MUC5AC: variants seen among roughly 807,000 people sequenced by gnomAD.
The protein encoded by MUC5AC is mucin-5AC.
In MUC5AC, 158 loss-of-function variants were observed where a neutral mutation model predicts 169.7. That is an observed-to-expected ratio of 0.93 (90% CI 0.82 to 1.06). The LOEUF (loss-of-function observed/expected upper bound fraction) is 1.06. Among genes scored for constraint, MUC5AC ranks in the 50% least tolerant of loss-of-function variants. The pLI, the probability that MUC5AC is intolerant of heterozygous loss-of-function variation, is 0.00. For synonymous variants in MUC5AC, 1,975 were observed against 1,237.0 expected, an observed-to-expected ratio of 1.60 and a Z score of -12.52; for missense variants, 4,359 against 3,089.9, an observed-to-expected ratio of 1.41 and a Z score of -9.74.
intron 7 of MUC5AC, 40 bp downstream of exon 7, chr11:1,164,031 A>C: frequency 1.2e-6 from 2 of 1,609,274 alleles, no homozygotes; most frequent in Non-Finnish European, 1.7e-6. Context: ...CAGGTTGAGC[A>C]GGAGGGGTTG....
rs555829626 is a variant in MUC5AC at position 1,167,243 on chromosome 11, AAC to A, written c.1387-628_1387-627del. 2.0e-3 allele frequency among the ~76,000 whole-genome samples: 281 copies of A among 142,184 alleles called. 2 individuals carry two copies. Among genetic ancestry groups the A allele is most frequent in the African/African-American group, 7.4e-3 (276 of 37,112 alleles). The allele number at this position is 142,184 out of a possible 152,430, so 93.3% of individuals were successfully genotyped here. A position where few individuals can be genotyped will look rare whatever the true frequency, so the allele number is the denominator to read the frequency against. ...CTCCCCAAGATGAGACCCTGCACCCAACACACAGTCTCTCCCAGATGAGACTC... is the reference window on the plus strand; with the variant it reads ...CTCCCCAAGATGAGACCCTGCACCCAACACAGTCTCTCCCAGATGAGACTC... On this transcript the variant is annotated intron_variant, in intron 11 of 48. Coordinates refer to ENST00000621226, the MANE Select transcript of MUC5AC (RefSeq NM_001304359.2).
rs1860953606 is a variant in MUC5AC, at chr11:1,186,637, G to C, written c.8492G>C (p.Gly2831Ala). The C allele has an allele frequency of 5.6e-6, 4 of 713,746 alleles. No homozygotes were observed. The highest frequency in any genetic ancestry group is 1.0e-5 in the Non-Finnish European group (4 of 396,280). The allele number at this position is 713,746 out of a possible 1,614,324, so 44.2% of individuals were successfully genotyped here. ...TSAPTTSTTS[G>A]PGTTSSPVPT... ...GCTCCTACAACCAGCACAACTTCTG[G>C]TCCTGGAACTACTTCAAGCCCTGTT... The change falls in exon 31 of 49, where the codon GGT (glycine) becomes GCT (alanine). Residue 2831 changes from glycine (G) to alanine (A), a missense_variant. Coordinates refer to ENST00000621226, the MANE Select transcript of MUC5AC (RefSeq NM_001304359.2).
chr11:1,179,286 G>A (rs1470533228), intron 26 of MUC5AC, 38 bp downstream of exon 26: 18 of 512,946 alleles, frequency 3.5e-5, no homozygotes, highest in South Asian at 2.9e-4. Flanking sequence ...AACAGGAAGC[G>A]CCGGCAGCGT....
rs1241931972 is a variant in MUC5AC at position 1,178,678 on chromosome 11, G to A, written c.3322G>A (p.Ala1108Thr). ...CGGCCCCACCTTCGCCGCCTGCCAC[G>A]CACACGTATGCTGGCCGGGGGGCGT... ...LHGPTFAACH[A>T]HVEPARYYEA... The change falls in exon 25 of 49, where the codon GCA (alanine) becomes ACA (threonine). Residue 1108 changes from alanine (A) to threonine (T), a missense_variant. Ala to Thr is a moderately conservative substitution (Grantham distance 58). Transcript: ENST00000621226. The A allele has an allele frequency of 7.7e-6, 10 of 1,299,204 alleles. No individual in the cohort carries two copies. The highest frequency in any genetic ancestry group is 9.9e-6 in the Non-Finnish European group (10 of 1,014,190). 80.5% of individuals were successfully genotyped at this position (1,299,204 alleles called of 1,614,324 possible). A position where few individuals can be genotyped will look rare whatever the true frequency, so the allele number is the denominator to read the frequency against.
At position 1,162,049 on chromosome 11, in the gene MUC5AC, T is replaced by C. The variant is rs1860158050; in HGVS notation, c.354T>C (p.Phe118=). ...ACTGCGGTGCCGCCTACGAGGATTTTAACATCCAGCTACGCCGCAGCCAGG... is the reference window on the plus strand; with the variant it reads ...ACTGCGGTGCCGCCTACGAGGATTTCAACATCCAGCTACGCCGCAGCCAGG... ...SEHCGAAYED[F]NIQLRRSQES... is the part of the protein sequence containing the mutation. Residue 118 remains phenylalanine, a synonymous_variant, in exon 4 of 49, where the codon TTT becomes TTC. Transcript: ENST00000621226. The C allele has an allele frequency of 2.5e-6, 4 of 1,612,610 alleles. No individual in the cohort carries two copies. The highest frequency in any genetic ancestry group is 3.4e-6 in the Non-Finnish European group (4 of 1,179,762).
intron 26 of MUC5AC, 99 bp from the exon 27 acceptor site, chr11:1,179,923 G>A: frequency 2.5e-6 from 1 of 397,800 alleles, no homozygotes; most frequent in African/African-American, 2.1e-5. Context: ...ATGGCCGGGA[G>A]GTGCAGGGGA....
In MUC5AC at chr11:1,188,791, A is replaced by T. The variant is rs1861015176; in HGVS notation, c.10646A>T (p.Asn3549Ile). The change falls in exon 31 of 49, where the codon AAC (asparagine) becomes ATC (isoleucine). Residue 3549 changes from asparagine to isoleucine, a missense_variant. By Grantham distance (149) the Asn-to-Ile change is moderately radical. Coordinates refer to ENST00000621226, the MANE Select transcript of MUC5AC (RefSeq NM_001304359.2). Reference protein sequence around the residue: ...PHGGDKETYNNIIRSGEKICR... With the variant: ...PHGGDKETYNIIIRSGEKICR... ...GGTGGGGACAAGGAAACCTACAACA[A>T]CATCATCAGGAGTGGGGAAAAAATC... 6 of 753,488 alleles carry T rather than the reference A, an allele frequency of 8.0e-6. No individual in the cohort carries two copies. Among genetic ancestry groups the T allele is most frequent in the South Asian group, 6.9e-5 (5 of 72,830 alleles). 46.7% of individuals were successfully genotyped at this position (753,488 alleles called of 1,614,324 possible).
rs763842399 is a variant in MUC5AC at position 1,195,188 on chromosome 11, G to C, written c.15367G>C (p.Gly5123Arg). Residue 5123 changes from glycine (G) to arginine (R), a missense_variant, in exon 36 of 49, where the codon GGG becomes CGG. Coordinates refer to ENST00000621226, the MANE Select transcript of MUC5AC (RefSeq NM_001304359.2). ...GPTTVGSTTV[G>R]PTTVGSTTVG... The stretch of plus-strand genomic sequence containing the variant: ...CACCACAGTTGGGTCTACCACGGTC[G>C]GGCCCACCACAGTTGGGTCTACCAC... 1.3e-6 allele frequency: 1 copy of C among 760,672 alleles called. No homozygotes were observed. The allele number at this position is 760,672 out of a possible 1,614,324, so 47.1% of individuals were successfully genotyped here. A position where few individuals can be genotyped will look rare whatever the true frequency, so the allele number is the denominator to read the frequency against.
At position 1,199,430 on chromosome 11, in the gene MUC5AC, C is replaced by T; in HGVS notation, c.16455C>T (p.His5485=). The stretch of plus-strand genomic sequence containing the variant: ...GTGTGACCCACCAGTGTGAGAAGCA[C>T]CAGGATGGGCTCGTGGTGGTCACCA... ...NHCVTHQCEK[H]QDGLVVVTTK... The change falls in exon 46 of 49, where the codon CAC becomes CAT. Residue 5485 remains histidine, a synonymous_variant. Coordinates refer to ENST00000621226, the MANE Select transcript of MUC5AC (RefSeq NM_001304359.2). 1.4e-6 allele frequency: 1 copy of T among 732,234 alleles called. No homozygotes were observed. Among genetic ancestry groups the T allele is most frequent in the Non-Finnish European group, 2.5e-6 (1 of 401,568 alleles). 45.4% of individuals were successfully genotyped at this position (732,234 alleles called of 1,614,324 possible).
Position 1,160,660 on chromosome 11 carries a change from C to A in MUC5AC, c.122C>A (p.Ala41Asp). 1 of 1,610,744 alleles carries A rather than the reference C, an allele frequency of 6.2e-7. No individual in the cohort carries two copies. The change falls in exon 2 of 49, where the codon GCC becomes GAC. Residue 41 changes from alanine to aspartate, a missense_variant. Physicochemically the swap from Ala to Asp is moderately radical, Grantham distance 126 (BLOSUM62 -2). Transcript: ENST00000621226. ...SSESSYKHHP[A>D]LSPIARGPSG... ...GAATCCAGCTACAAGCACCACCCTG[C>A]CCTCTCTCCTATCGCCCGGGGGCCC...
Position 1,192,820 on chromosome 11 carries a change from T to A in MUC5AC, c.14418T>A (p.His4806Gln), listed in dbSNP as rs145420729. 1 of 763,880 alleles carries A rather than the reference T, an allele frequency of 1.3e-6. No individual in the cohort carries two copies. The highest frequency in any genetic ancestry group is 2.4e-6 in the Non-Finnish European group (1 of 416,962). 47.3% of individuals were successfully genotyped at this position (763,880 alleles called of 1,614,324 possible). The change falls in exon 32 of 49, where the codon CAT becomes CAA. Residue 4806 changes from histidine to glutamine, a missense_variant. His to Gln is a conservative substitution (Grantham distance 24). Coordinates refer to ENST00000621226, the MANE Select transcript of MUC5AC (RefSeq NM_001304359.2). ...ACCGCCACAGAGACCTCGCTGGCCA[T>A]TGCTATTATGCCCTGTGTAGCCAGG... ...TIYRHRDLAGHCYYALCSQDC... is the reference protein window; with the variant it reads ...TIYRHRDLAGQCYYALCSQDC...
rs191815592 is a variant in MUC5AC, at chr11:1,163,492, G to A, written c.680-390G>A. Among the ~76,000 whole-genome samples the A allele has an allele frequency of 2.9e-3, 436 of 152,344 alleles. 2 individuals carry two copies. Among genetic ancestry groups the A allele is most frequent in the Admixed American group, 5.0e-3 (76 of 15,306 alleles). ...CTCTGTGGGGAACTGAGTCTGCCTG[G>A]GTGTCCAGCAGCCCTTGGCAAGGCA... is the stretch of plus-strand genomic sequence containing the variant. On this transcript the variant is annotated intron_variant, in intron 6 of 48. Transcript: ENST00000621226.
intron 1 of MUC5AC, among the ~76,000 whole-genome samples, chr11:1,159,756 A>G (rs138327543): frequency 0.61 from 27,491 of 45,108 alleles, 8,482 homozygotes; most frequent in Non-Finnish European, 0.69. Context: ...TGCTGGCTCT[A>G]TGCAGGGCTG....
intron 6 of MUC5AC, among the ~76,000 whole-genome samples, chr11:1,163,293 C>A (rs1464569771): frequency 2.0e-5 from 3 of 152,224 alleles, no homozygotes; most frequent in Non-Finnish European, 4.4e-5. Context: ...TGGGTGGCGA[C>A]CCCTGACTGC....
At chr11:1,193,133 C>T (rs1358209469) in intron 32 of MUC5AC, among the ~76,000 whole-genome samples, 151 bp downstream of exon 32, 2 of 152,252 alleles carry the variant, frequency 1.3e-5, no homozygotes, top group Non-Finnish European at 2.9e-5. Flanking sequence ...CATGCTGTAG[C>T]CCGGCGTCTC....
intron 37 of MUC5AC, 85 bp downstream of exon 37, chr11:1,196,139 C>T: frequency 1.5e-6 from 1 of 650,776 alleles, no homozygotes; most frequent in Non-Finnish European, 2.8e-6. Flanking sequence ...TGGGCTCGGG[C>T]AGTCAGGGGG....
chr11:1,194,244 A>T lies in MUC5AC; in HGVS notation c.14890A>T (p.Asn4964Tyr), dbSNP rs1272185125. The change falls in exon 34 of 49, where the codon AAC becomes TAC. Residue 4964 changes from asparagine to tyrosine, a missense_variant. Physicochemically the swap from Asn to Tyr is moderately radical, Grantham distance 143. Transcript: ENST00000621226. ...VYGHFRVLVD[N>Y]YFCGAEDGLS... is the part of the protein sequence containing the mutation. ...TGGCCACTTCCGCGTGCTCGTCGAC[A>T]ACTACTTCTGCGGTGCGGAGGACGG... 4 of 764,822 alleles carry T rather than the reference A, an allele frequency of 5.2e-6. No homozygotes were observed. The South Asian group carries it at 5.4e-5, about 10-fold the overall frequency. 47.4% of individuals were successfully genotyped at this position (764,822 alleles called of 1,614,324 possible). A position where few individuals can be genotyped will look rare whatever the true frequency, so the allele number is the denominator to read the frequency against.
chr11:1,186,405 A>G lies in MUC5AC; in HGVS notation c.8260A>G (p.Thr2754Ala). 1 of 705,418 alleles carries G rather than the reference A, an allele frequency of 1.4e-6. No homozygotes were observed. Among genetic ancestry groups the G allele is most frequent in the South Asian group, 1.5e-5 (1 of 67,854 alleles). 43.7% of individuals were successfully genotyped at this position (705,418 alleles called of 1,614,324 possible). ...ACCCAGAAGAACCTCAGCCCCTACAACCAGCACAATCTCTGCCTCTACCAC... is the reference window on the plus strand; with the variant it reads ...ACCCAGAAGAACCTCAGCCCCTACAGCCAGCACAATCTCTGCCTCTACCAC... ...PTPRRTSAPT[T>A]STISASTTST... Residue 2754 changes from threonine to alanine, a missense_variant, in exon 31 of 49, where the codon ACC (threonine) becomes GCC (alanine). By Grantham distance (58) the Thr-to-Ala change is moderately conservative (BLOSUM62 0). Transcript: ENST00000621226.
At chr11:1,166,099 A>G (rs1469531008) in intron 11 of MUC5AC, among the ~76,000 whole-genome samples, 1 of 152,122 alleles carries the variant, frequency 6.6e-6, no homozygotes, top group African/African-American at 2.4e-5. Flanking sequence ...CCCAACACAC[A>G]GTGTCCCCAC....
Sources: allele counts gnomAD v4.1 joint callset (sites outside exome capture counted in the v4.1 genomes callset), GRCh38; gene constraint gnomAD v4.1.1; transcripts MANE v1.5; gene names NCBI Gene and HGNC (gene_info 2026-07-23, HGNC 2026-07-21).